The following HOOK3 variants were observed in gnomAD, a reference collection of about 807,000 sequenced individuals.
HOOK3 encodes protein Hook homolog 3.
HOOK3 carries 24 observed loss-of-function variants against 116.3 expected under a neutral mutation model. The ratio of observed to expected loss-of-function variants is 0.21; its 90% CI spans 0.15 to 0.29. HOOK3 has a LOEUF of 0.29. HOOK3 is among the 10% of genes least tolerant of loss of function. HOOK3 has a pLI of 1.00. For missense variants in HOOK3, 632 were observed against 830.2 expected, an observed-to-expected ratio of 0.76 and a Z score of 2.93; for synonymous variants, 275 against 283.0, an observed-to-expected ratio of 0.97 and a Z score of 0.28.
At chr8:42,965,316 G>GAAAT (rs768726863) in intron 9 of HOOK3, among the ~76,000 whole-genome samples, 2 of 150,806 alleles carry the variant, frequency 1.3e-5, no homozygotes. Flanking sequence ...TAGACTTATA[G>GAAAT]AAATCTATAT....
chr8:42,942,975 T>G (rs1279915489), intron 4 of HOOK3, among the ~76,000 whole-genome samples: 2 of 152,228 alleles, frequency 1.3e-5, no homozygotes, highest in African/African-American at 4.8e-5. Flanking sequence ...ATATTTAATC[T>G]TAGCTCTTTC....
At position 42,915,675 on chromosome 8, in the gene HOOK3, G is replaced by T. The variant is rs866117485; in HGVS notation, c.143+9417G>T. Among the ~76,000 whole-genome samples, 5 of 152,162 alleles carry T rather than the reference G, an allele frequency of 3.3e-5. No individual in the cohort carries two copies. In the South Asian group the frequency reaches 8.3e-4, roughly 25 times the overall value. On this transcript the variant is annotated intron_variant, in intron 2 of 21. Coordinates refer to ENST00000307602, the MANE Select transcript of HOOK3 (RefSeq NM_032410.4). The stretch of plus-strand genomic sequence containing the variant: ...TCGAACTGCTGACCTCAGGAGGTCC[G>T]CCTGTCTCGGCTTCTCAAAGTGCTG...
chr8:42,985,628 G>A (rs766806627), intron 14 of HOOK3, among the ~76,000 whole-genome samples: 4 of 151,796 alleles, frequency 2.6e-5, no homozygotes, highest in Admixed American at 6.6e-5. Flanking sequence ...AAAATATACG[G>A]TCCATGTTGC....
At chr8:42,968,237 A>G in intron 11 of HOOK3, 23 bp downstream of exon 11, 1 of 1,569,098 alleles carries the variant, frequency 6.4e-7, no homozygotes, top group Non-Finnish European at 8.7e-7. Context: ...CAGCATCTTG[A>G]TGATGGTTTC....
intron 6 of HOOK3, among the ~76,000 whole-genome samples, chr8:42,951,866 A>G (rs572308018): frequency 1.1e-3 from 174 of 152,164 alleles, no homozygotes; most frequent in Non-Finnish European, 2.2e-3. Flanking sequence ...GCTTGAACTT[A>G]GGAGGCAGAG....
chr8:42,930,214 G>A (rs377408904), intron 4 of HOOK3, 42 bp downstream of exon 4: 83 of 1,443,462 alleles, frequency 5.8e-5, no homozygotes, highest in Non-Finnish European at 7.1e-5. Context: ...TGTTACTATC[G>A]GATAGTTTAA....
intron 11 of HOOK3, among the ~76,000 whole-genome samples, chr8:42,972,151 T>C (rs1018378775): frequency 4.0e-5 from 6 of 151,020 alleles, no homozygotes; most frequent in African/African-American, 1.4e-4. Context: ...ATTTTCTTTA[T>C]GGCCTTTGTA....
chr8:42,957,298 G>T, intron 7 of HOOK3, 142 bp downstream of exon 7: 1 of 393,944 alleles, frequency 2.5e-6, no homozygotes. Flanking sequence ...AAGAACATAA[G>T]CTGTTTTACT....
At chr8:42,963,282 A>C (rs1386841021) in intron 8 of HOOK3, among the ~76,000 whole-genome samples, 2 of 152,214 alleles carry the variant, frequency 1.3e-5, no homozygotes, top group African/African-American at 4.8e-5. Flanking sequence ...AAATCCAAAA[A>C]TCCAAAAGCT....
intron 2 of HOOK3, among the ~76,000 whole-genome samples, chr8:42,909,579 A>G (rs13257298): frequency 0.13 from 19,732 of 152,120 alleles, 1,760 homozygotes; most frequent in African/African-American, 0.25. Flanking sequence ...TCCTCCCACC[A>G]TAGTCTCCCT....
chr8:42,917,531 T>C (rs915322328), intron 2 of HOOK3, among the ~76,000 whole-genome samples: 1 of 152,196 alleles, frequency 6.6e-6, no homozygotes, highest in Non-Finnish European at 1.5e-5. Context: ...GAGCTCCTTA[T>C]GAATTACAAA....
At chr8:42,951,041 C>G (rs1294348756) in intron 6 of HOOK3, among the ~76,000 whole-genome samples, 1 of 151,480 alleles carries the variant, frequency 6.6e-6, no homozygotes, top group Non-Finnish European at 1.5e-5. Context: ...AGACTAATTC[C>G]TAAAGCTAAT....
chr8:42,897,995 C>T (rs1372382828), intron 1 of HOOK3, among the ~76,000 whole-genome samples: 1 of 152,216 alleles, frequency 6.6e-6, no homozygotes, highest in Non-Finnish European at 1.5e-5. Context: ...CTCCGTTTCA[C>T]TCATTGCTGA....
At chr8:42,906,403 C>T in intron 2 of HOOK3, 145 bp downstream of exon 2, 1 of 626,538 alleles carries the variant, frequency 1.6e-6, no homozygotes, top group Non-Finnish European at 2.9e-6. Context: ...ATGGAATGTA[C>T]TTATTAGGTA....
intron 1 of HOOK3, among the ~76,000 whole-genome samples, chr8:42,900,819 C>G (rs1807171943): frequency 6.6e-6 from 1 of 152,216 alleles, no homozygotes; most frequent in African/African-American, 2.4e-5. Context: ...ACCAGAGATT[C>G]TCATGCTTTA....
chr8:42,927,974 C>G (rs1326486932), intron 3 of HOOK3, among the ~76,000 whole-genome samples: 4 of 152,014 alleles, frequency 2.6e-5, no homozygotes, highest in Non-Finnish European at 5.9e-5. Flanking sequence ...TGGTGAATCC[C>G]CGTTTCTAGT....
At chr8:42,917,986 G>A (rs1807565213) in intron 2 of HOOK3, among the ~76,000 whole-genome samples, 1 of 152,194 alleles carries the variant, frequency 6.6e-6, no homozygotes, top group Non-Finnish European at 1.5e-5. Context: ...AAGAATCAAT[G>A]TATCTGTAAA....
rs148135960 is a variant in HOOK3 at position 42,910,024 on chromosome 8, G to A, written c.143+3766G>A. ...TTTTTGAGATTTATTGCAAAGCATG[G>A]TGACCATAGTTGTTAATACTGTGTA... On this transcript the variant is annotated intron_variant, in intron 2 of 21. Coordinates refer to ENST00000307602, the MANE Select transcript of HOOK3 (RefSeq NM_032410.4). Among the ~76,000 whole-genome samples, 760 of 152,312 alleles carry A rather than the reference G, an allele frequency of 5.0e-3. 17 individuals carry two copies. Among genetic ancestry groups the A allele is most frequent in the East Asian group, 0.038 (197 of 5,180 alleles).
At chr8:42,912,042 G>A (rs868841701) in intron 2 of HOOK3, among the ~76,000 whole-genome samples, 2 of 152,208 alleles carry the variant, frequency 1.3e-5, no homozygotes, top group Non-Finnish European at 2.9e-5. Context: ...AGGAAAAAAT[G>A]TGTACCCTGA....
Sources: gnomAD v4.1 joint callset for allele counts (sites outside exome capture counted in the v4.1 genomes callset) on GRCh38, gnomAD v4.1.1 for gene constraint, MANE v1.5 for transcripts, NCBI Gene and HGNC (gene_info 2026-07-23, HGNC 2026-07-21) for gene names.